Variants in NXPE1 observed in about 807,000 individuals in gnomAD.
The protein encoded by NXPE1 is neurexophilin and PC-esterase domain family member 1, also known as NXPE family member 1.
In NXPE1, 31 loss-of-function variants were observed where a neutral mutation model predicts 33.3. The ratio of observed to expected loss-of-function variants is 0.93; its 90% CI spans 0.70 to 1.26. The LOEUF (loss-of-function observed/expected upper bound fraction) is 1.26. NXPE1 is among the 50% of genes most tolerant of loss of function. The pLI is 0.00. For synonymous variants in NXPE1, 229 were observed against 231.4 expected (o/e 0.99, Z 0.09); for missense variants, 661 against 655.6 (o/e 1.01, Z -0.09).
At chr11:114,550,335 A>T (rs1285022565) in intron 5 of NXPE1, among the ~76,000 whole-genome samples, 1 of 152,174 alleles carries the variant, frequency 6.6e-6, no homozygotes, top group Non-Finnish European at 1.5e-5. Context: ...CTTACTTGTA[A>T]AAATCTTTGT....
intron 5 of NXPE1, among the ~76,000 whole-genome samples, chr11:114,546,586 G>A (rs1591295985): frequency 1.3e-5 from 2 of 151,848 alleles, no homozygotes; most frequent in East Asian, 3.9e-4. Flanking sequence ...ACAGGCATGG[G>A]GCACCATGCC....
intron 5 of NXPE1, among the ~76,000 whole-genome samples, chr11:114,550,585 G>T (rs1948446247): frequency 1.3e-5 from 2 of 152,108 alleles, no homozygotes; most frequent in Non-Finnish European, 1.5e-5. Flanking sequence ...AAGTGGATCA[G>T]ATATTTATAG....
chr11:114,550,340 C>G, intron 5 of NXPE1, among the ~76,000 whole-genome samples: 1 of 152,020 alleles, frequency 6.6e-6, no homozygotes, highest in Non-Finnish European at 1.5e-5. Flanking sequence ...TTGTAAAAAT[C>G]TTTGTAATTA....
intron 5 of NXPE1, among the ~76,000 whole-genome samples, chr11:114,550,482 G>A (rs1171165052): frequency 6.6e-6 from 1 of 152,042 alleles, no homozygotes; most frequent in Non-Finnish European, 1.5e-5. Context: ...ATATAGAATG[G>A]AATTTTAAAT....
chr11:114,524,218 A>C (rs1226005713), intron 7 of NXPE1, among the ~76,000 whole-genome samples: 1 of 152,274 alleles, frequency 6.6e-6, no homozygotes, highest in South Asian at 2.1e-4. Flanking sequence ...TCTGGAAAAA[A>C]CTTAGTCATG....
chr11:114,549,347 T>A (rs75675027), intron 5 of NXPE1, among the ~76,000 whole-genome samples: 1 of 152,038 alleles, frequency 6.6e-6, no homozygotes, highest in East Asian at 1.9e-4. Context: ...GAGATATACA[T>A]CTTAAATAAA....
intron 5 of NXPE1, among the ~76,000 whole-genome samples, chr11:114,531,778 C>T (rs773363188): frequency 7.2e-5 from 11 of 152,272 alleles, no homozygotes; most frequent in Non-Finnish European, 1.3e-4. Context: ...CCCCAAACCA[C>T]CTAAACATCT....
rs1947516572 is a variant in NXPE1, at chr11:114,529,986, A to G, written c.833+189T>C. The stretch of plus-strand genomic sequence containing the variant: ...CGGTTATAGCAAAACACATGACTGA[A>G]TGGGACAATATAGTGAAAATGCAAA... On this transcript the variant is annotated intron_variant, in intron 6 of 8. Transcript: ENST00000534921. 4 of 561,492 alleles carry G rather than the reference A, an allele frequency of 7.1e-6. No individual in the cohort carries two copies. The East Asian group carries it at 1.1e-4, about 16-fold the overall frequency. The allele number at this position is 561,492 out of a possible 1,614,324, so 34.8% of individuals were successfully genotyped here.
exon 5 of NXPE1, chr11:114,551,161 A>C: frequency 6.5e-7 from 1 of 1,535,296 alleles, no homozygotes; most frequent in Non-Finnish European, 8.7e-7. Context: ...AAAAGAGATC[A>C]AGATCAGCAG....
chr11:114,547,381 T>C (rs1948318321), intron 5 of NXPE1, among the ~76,000 whole-genome samples: 1 of 152,194 alleles, frequency 6.6e-6, no homozygotes, highest in Non-Finnish European at 1.5e-5. Flanking sequence ...ACCAGACCAC[T>C]GTTCCTTAAA....
At chr11:114,547,308 G>A (rs1948315137) in intron 5 of NXPE1, among the ~76,000 whole-genome samples, 1 of 152,172 alleles carries the variant, frequency 6.6e-6, no homozygotes, top group Admixed American at 6.6e-5. Context: ...CTAAACCCAT[G>A]AATTCTGTTT....
exon 6 of NXPE1, chr11:114,530,734 C>T (rs771120359): frequency 2.2e-5 from 35 of 1,614,092 alleles, no homozygotes; most frequent in Non-Finnish European, 2.9e-5. Flanking sequence ...GTGGTGTTCA[C>T]ATGGGTGAAA....
At chr11:114,532,904 C>G (rs1947637620) in intron 5 of NXPE1, among the ~76,000 whole-genome samples, 1 of 152,066 alleles carries the variant, frequency 6.6e-6, no homozygotes, top group South Asian at 2.1e-4. Context: ...TGATTTTTCA[C>G]TGTTCTCAGA....
At chr11:114,530,376 T>G in exon 6 of NXPE1, 1 of 1,614,216 alleles carries the variant, frequency 6.2e-7, no homozygotes, top group Non-Finnish European at 8.5e-7. Flanking sequence ...AGAGGTGCCA[T>G]TAACAAATTT....
chr11:114,530,705 G>A, exon 6 of NXPE1: 1 of 1,614,214 alleles, frequency 6.2e-7, no homozygotes, highest in Non-Finnish European at 8.5e-7. Flanking sequence ...TGGTGGCTGT[G>A]CTGTGTGTGG....
chr11:114,540,860 T>TGGC (rs1948071510), intron 5 of NXPE1, among the ~76,000 whole-genome samples: 4 of 66,248 alleles, frequency 6.0e-5, no homozygotes, highest in African/African-American at 2.7e-4. Flanking sequence ...TTTTTTTTTT[T>TGGC]TTTTTTTTTT....
chr11:114,541,083 A>C (rs966079252), intron 5 of NXPE1, among the ~76,000 whole-genome samples: 1 of 151,840 alleles, frequency 6.6e-6, no homozygotes, highest in Non-Finnish European at 1.5e-5. Context: ...CTGAGATGTG[A>C]TTTACTTATA....
chr11:114,523,041 G>C (rs781614218), exon 8 of NXPE1: 1 of 1,613,650 alleles, frequency 6.2e-7, no homozygotes, highest in South Asian at 1.1e-5. Flanking sequence ...TAACCACCAG[G>C]GACAGGAGGC....
downstream of NXPE1, among the ~76,000 whole-genome samples, chr11:114,519,240 G>C (rs78043708): frequency 4.6e-5 from 7 of 152,082 alleles, no homozygotes; most frequent in Non-Finnish European, 8.8e-5. Flanking sequence ...TTGGCAAAAA[G>C]GTTCATTCTG....
Sources: gnomAD v4.1 joint callset for allele counts (sites outside exome capture counted in the v4.1 genomes callset) on GRCh38, gnomAD v4.1.1 for gene constraint, MANE v1.5 for transcripts, NCBI Gene and HGNC (gene_info 2026-07-23, HGNC 2026-07-21) for gene names.